PCDHA7: variants seen among roughly 807,000 people sequenced by gnomAD.
PCDHA7 encodes protocadherin alpha 7, also known as protocadherin alpha-7.
A neutral mutation model predicts 57.2 loss-of-function variants in PCDHA7; 37 were observed. The observed-to-expected ratio is 0.65, with a 90% CI of 0.50 to 0.85. The LOEUF (loss-of-function observed/expected upper bound fraction) is 0.85. PCDHA7 is among the 40% of genes least tolerant of loss of function. PCDHA7 has a pLI of 0.00. For missense variants in PCDHA7, 1,188 were observed against 1,241.8 expected, an observed-to-expected ratio of 0.96 and a Z score of 0.65; for synonymous variants, 553 against 558.8, an observed-to-expected ratio of 0.99 and a Z score of 0.15.
intron 1 of PCDHA7, among the ~76,000 whole-genome samples, chr5:140,941,246 T>C (rs1332165821): frequency 7.1e-6 from 1 of 141,078 alleles, no homozygotes; most frequent in East Asian, 2.0e-4. Flanking sequence ...TTTCTTTCTT[T>C]CTTTCTTTCT....
At chr5:140,871,639 A>T in intron 1 of PCDHA7, 1 of 1,347,750 alleles carries the variant, frequency 7.4e-7, no homozygotes, top group East Asian at 2.5e-5. Context: ...CTGTTCATAA[A>T]ATACCAAATG....
chr5:140,835,817 G>T lies in PCDHA7; in HGVS notation c.1434G>T (p.Ser478=), dbSNP rs2150245565. The change falls in exon 1 of 4, where the codon TCG becomes TCT. Residue 478 remains serine (S), a synonymous_variant. Coordinates refer to ENST00000525929, the MANE Select transcript of PCDHA7 (RefSeq NM_018910.3). ...NPPGCHIFTV[S]AGDADAQKNA... Reference sequence around the variant, plus strand: ...CGGGCTGCCACATCTTCACTGTGTCGGCGGGGGACGCGGACGCGCAGAAGA... The same window carrying T: ...CGGGCTGCCACATCTTCACTGTGTCTGCGGGGGACGCGGACGCGCAGAAGA... 3 of 1,612,632 alleles carry T rather than the reference G, an allele frequency of 1.9e-6. No homozygotes were observed. The highest frequency in any genetic ancestry group is 1.7e-5 in the Admixed American group (1 of 59,992).
rs527413028 is a variant in PCDHA7, at chr5:140,920,520, G to A, written c.2356-58429G>A. Among the ~76,000 whole-genome samples, 10 of 152,176 alleles carry A rather than the reference G, an allele frequency of 6.6e-5. No homozygotes were observed. In the South Asian group the frequency reaches 1.7e-3, roughly 25 times the overall value. ...TTCTACATACTGTTTTATGCAATTCGTTAGACTCAGGTTTTCTATTTCACC... is the reference window on the plus strand; with the variant it reads ...TTCTACATACTGTTTTATGCAATTCATTAGACTCAGGTTTTCTATTTCACC... On this transcript the variant is annotated intron_variant, in intron 1 of 3. Transcript: ENST00000525929.
chr5:140,848,406 G>T lies in PCDHA7; in HGVS notation c.2355+11668G>T, dbSNP rs2150410052. On this transcript the variant is annotated intron_variant, in intron 1 of 3. Coordinates refer to ENST00000525929, the MANE Select transcript of PCDHA7 (RefSeq NM_018910.3). ...CACTCTCTCTGTGCTGAACGATGGCGAACACAGCAGAATGGGACTGACGAA... is the reference window on the plus strand; with the variant it reads ...CACTCTCTCTGTGCTGAACGATGGCTAACACAGCAGAATGGGACTGACGAA... The T allele has an allele frequency of 2.9e-3, 3,827 of 1,338,984 alleles. 272 individuals carry two copies. The African/African-American group carries it at 0.048, about 17-fold the overall frequency. The allele number at this position is 1,338,984 out of a possible 1,614,324, so 82.9% of individuals were successfully genotyped here. A position where few individuals can be genotyped will look rare whatever the true frequency, so the allele number is the denominator to read the frequency against.
chr5:140,932,593 A>G (rs1347990722), intron 1 of PCDHA7, among the ~76,000 whole-genome samples: 1 of 151,922 alleles, frequency 6.6e-6, no homozygotes, highest in African/African-American at 2.4e-5. Flanking sequence ...GATGTTTTGT[A>G]TATCTATTTT....
At chr5:140,933,613 A>G (rs1441475985) in intron 1 of PCDHA7, among the ~76,000 whole-genome samples, 1 of 151,962 alleles carries the variant, frequency 6.6e-6, no homozygotes, top group Non-Finnish European at 1.5e-5. Flanking sequence ...TTCTTTTCTT[A>G]TTAGGTTAGG....
rs782141581 is a variant in PCDHA7 at position 140,857,357 on chromosome 5, A to G, written c.2355+20619A>G. On this transcript the variant is annotated intron_variant, in intron 1 of 3. Coordinates refer to ENST00000525929, the MANE Select transcript of PCDHA7 (RefSeq NM_018910.3). ...CGGGGGCTCGCCTCCGCTGTGGGCC[A>G]CGGCCAGCGTGTCTGTGGAGGTGGC... 29 of 1,598,430 alleles carry G rather than the reference A, an allele frequency of 1.8e-5. 3 individuals are homozygous for G. Among genetic ancestry groups the G allele is most frequent in the Non-Finnish European group, 2.5e-5 (29 of 1,167,908 alleles).
intron 1 of PCDHA7, chr5:140,871,485 C>T (rs1554165663): frequency 8.2e-6 from 13 of 1,593,104 alleles, no homozygotes; most frequent in Admixed American, 1.8e-5. Context: ...GGTCAAATCA[C>T]CCCGGACAGG....
intron 1 of PCDHA7, chr5:140,850,343 C>G (rs1554144214): frequency 1.9e-6 from 3 of 1,597,676 alleles, no homozygotes; most frequent in Non-Finnish European, 2.6e-6. Context: ...CAGAAACGGC[C>G]AGCGCGAGCA....
intron 1 of PCDHA7, chr5:140,862,740 G>A: frequency 1.7e-6 from 1 of 577,772 alleles, no homozygotes; most frequent in South Asian, 1.4e-5. Flanking sequence ...GCTATGTGTG[G>A]GTGCACGCGG....
chr5:140,870,729 G>T (rs782392672), intron 1 of PCDHA7: 7 of 1,613,306 alleles, frequency 4.3e-6, no homozygotes, highest in Non-Finnish European at 5.1e-6. Flanking sequence ...CGGGCGTGCC[G>T]CCTCTGAGCA....
intron 1 of PCDHA7, chr5:140,853,775 G>GT: frequency 1.0e-6 from 1 of 987,698 alleles, no homozygotes; most frequent in East Asian, 1.1e-4. Context: ...TCTGAAATGG[G>GT]TAGTAAGAGC....
chr5:140,976,466 G>C (rs1404890940), intron 1 of PCDHA7, among the ~76,000 whole-genome samples: 1 of 152,104 alleles, frequency 6.6e-6, no homozygotes, highest in African/African-American at 2.4e-5. Flanking sequence ...AAGAAGAATT[G>C]CTTGAATCCG....
chr5:140,843,744 A>C, intron 1 of PCDHA7: 1 of 1,534,810 alleles, frequency 6.5e-7, no homozygotes, highest in Non-Finnish European at 8.9e-7. Context: ...AGAACTCATA[A>C]ATTCTATTTG....
intron 1 of PCDHA7, among the ~76,000 whole-genome samples, chr5:140,936,899 A>G (rs2091202352): frequency 6.6e-6 from 1 of 152,188 alleles, no homozygotes; most frequent in South Asian, 2.1e-4. Context: ...AATTGGCACT[A>G]TATTGAATCT....
At chr5:140,855,988 C>T (rs1554148065) in intron 1 of PCDHA7, 4 of 1,481,966 alleles carry the variant, frequency 2.7e-6, no homozygotes, top group African/African-American at 1.4e-5. Flanking sequence ...CAGAAAATGT[C>T]AGATCGTATG....
At chr5:140,911,021 G>A (rs1340465729) in intron 1 of PCDHA7, among the ~76,000 whole-genome samples, 2 of 152,066 alleles carry the variant, frequency 1.3e-5, no homozygotes, top group African/African-American at 4.8e-5. Context: ...CTTTAGTCTA[G>A]TTATAGGTCT....
intron 1 of PCDHA7, chr5:140,869,898 C>T (rs782158709): frequency 6.2e-7 from 1 of 1,610,356 alleles, no homozygotes; most frequent in Non-Finnish European, 8.5e-7. Flanking sequence ...TCAAACTAAA[C>T]GCCACAGACC....
chr5:140,969,260 C>T (rs782595245), intron 1 of PCDHA7: 11 of 1,614,110 alleles, frequency 6.8e-6, no homozygotes, highest in Non-Finnish European at 6.8e-6. Flanking sequence ...CAGCAGGAAT[C>T]TCACAGGCCA....
Sources: allele counts gnomAD v4.1 joint callset (sites outside exome capture counted in the v4.1 genomes callset), GRCh38; gene constraint gnomAD v4.1.1; transcripts MANE v1.5; gene names NCBI Gene and HGNC (gene_info 2026-07-23, HGNC 2026-07-21).